GPR158: variants seen among roughly 807,000 people sequenced by gnomAD.
The protein encoded by GPR158 is metabotropic glycine receptor.
GPR158 carries 30 observed loss-of-function variants against 78.2 expected under a neutral mutation model. The ratio of observed to expected loss-of-function variants is 0.38; its 90% CI spans 0.29 to 0.52. GPR158 has a LOEUF of 0.52. GPR158 is among the 20% of genes least tolerant of loss of function. The pLI, the probability that GPR158 is intolerant of heterozygous loss-of-function variation, is 0.83. For synonymous variants in GPR158, 581 were observed against 591.1 expected (o/e 0.98, Z 0.25); for missense variants, 1,463 against 1,523.5 (o/e 0.96, Z 0.66).
At chr10:25,550,427 G>C (rs1217508543) in intron 5 of GPR158, among the ~76,000 whole-genome samples, 2 of 152,090 alleles carry the variant, frequency 1.3e-5, no homozygotes, top group Non-Finnish European at 2.9e-5. Flanking sequence ...GGCAATCTCA[G>C]GGCTGTTTCA....
chr10:25,501,176 G>A (rs1032744823), intron 5 of GPR158, among the ~76,000 whole-genome samples: 7 of 152,140 alleles, frequency 4.6e-5, no homozygotes, highest in African/African-American at 9.7e-5. Context: ...GTCAAAGGCG[G>A]CTTTGAGAAG....
At chr10:25,500,322 C>A (rs1835935261) in intron 5 of GPR158, among the ~76,000 whole-genome samples, 1 of 152,170 alleles carries the variant, frequency 6.6e-6, no homozygotes, top group African/African-American at 2.4e-5. Flanking sequence ...TCATGTACTG[C>A]AGATAAATAT....
intron 2 of GPR158, among the ~76,000 whole-genome samples, chr10:25,345,006 C>G (rs1855354318): frequency 6.6e-6 from 1 of 151,962 alleles, no homozygotes; most frequent in Non-Finnish European, 1.5e-5. Context: ...GCCTTTATGA[C>G]TTAATCACCT....
chr10:25,312,391 G>A (rs1231493826), intron 2 of GPR158, among the ~76,000 whole-genome samples: 1 of 151,994 alleles, frequency 6.6e-6, no homozygotes. Context: ...GTTAATATTG[G>A]GAAGCTGTCA....
chr10:25,405,566 G>A (rs1242919143), intron 3 of GPR158, among the ~76,000 whole-genome samples: 2 of 103,938 alleles, frequency 1.9e-5, no homozygotes, highest in Admixed American at 3.0e-4. Flanking sequence ...TGGTGATGAT[G>A]TCAGCTTATT....
intron 2 of GPR158, among the ~76,000 whole-genome samples, chr10:25,320,978 A>G (rs866534033): frequency 1.5e-4 from 23 of 152,232 alleles, no homozygotes; most frequent in Middle Eastern, 3.2e-3. Flanking sequence ...ACATACACAT[A>G]CTGGATTCCT....
intron 3 of GPR158, 127 bp from the exon 4 acceptor site, chr10:25,412,123 G>T (rs1037227789): frequency 8.7e-6 from 6 of 687,044 alleles, no homozygotes; most frequent in Non-Finnish European, 1.6e-5. Context: ...CCTAGCAAGA[G>T]GGTTGACAAA....
intron 5 of GPR158, among the ~76,000 whole-genome samples, chr10:25,528,047 T>A (rs1416099382): frequency 6.6e-6 from 1 of 152,078 alleles, no homozygotes; most frequent in Non-Finnish European, 1.5e-5. Context: ...TGAAAAGACT[T>A]CTCAGAAATA....
At chr10:25,324,290 C>T (rs1440643316) in intron 2 of GPR158, among the ~76,000 whole-genome samples, 2 of 152,186 alleles carry the variant, frequency 1.3e-5, no homozygotes, top group African/African-American at 2.4e-5. Context: ...GAGAGACATG[C>T]AACTATTCCT....
intron 5 of GPR158, among the ~76,000 whole-genome samples, chr10:25,471,484 G>A (rs1835501314): frequency 6.6e-6 from 1 of 152,108 alleles, no homozygotes; most frequent in African/African-American, 2.4e-5. Flanking sequence ...CAGTAATATG[G>A]GATTGCTGGG....
intron 5 of GPR158, among the ~76,000 whole-genome samples, chr10:25,502,011 C>T (rs774370095): frequency 2.6e-5 from 4 of 152,258 alleles, no homozygotes; most frequent in Non-Finnish European, 4.4e-5. Flanking sequence ...CTCTATAACG[C>T]TTCTGCCTCC....
At chr10:25,388,468 G>T (rs1040239248) in intron 2 of GPR158, among the ~76,000 whole-genome samples, 1 of 152,244 alleles carries the variant, frequency 6.6e-6, no homozygotes, top group Non-Finnish European at 1.5e-5. Flanking sequence ...TAAGCACCAG[G>T]CCAAATGTGC....
chr10:25,192,560 T>A (rs560141290), intron 1 of GPR158, among the ~76,000 whole-genome samples: 28 of 152,182 alleles, frequency 1.8e-4, no homozygotes, highest in Non-Finnish European at 2.9e-4. Flanking sequence ...TGTGGCTCAA[T>A]TCCCTCATTG....
chr10:25,209,307 GTGTC>G (rs2130667015), intron 1 of GPR158, among the ~76,000 whole-genome samples: 1 of 152,272 alleles, frequency 6.6e-6, no homozygotes, highest in African/African-American at 2.4e-5. Context: ...TAAATGATCT[GTGTC>G]TGCTTACTGG....
chr10:25,399,647 C>G (rs1314679427), intron 3 of GPR158, among the ~76,000 whole-genome samples: 1 of 152,138 alleles, frequency 6.6e-6, no homozygotes, highest in East Asian at 1.9e-4. Flanking sequence ...ATGGCCTTGT[C>G]AAGTTTCATG....
chr10:25,233,556 CA>C lies in GPR158; in HGVS notation c.1008+12401del, dbSNP rs772599692. ...AGAATTTATAGGTGTACAAACTGAG[CA>C]ACCCTGCTTATGGGCTATGCTTTTA... On this transcript the variant is annotated intron_variant, in intron 2 of 10. Coordinates refer to ENST00000376351, the MANE Select transcript of GPR158 (RefSeq NM_020752.3). Among the ~76,000 whole-genome samples, 8 of 152,328 alleles carry C rather than the reference CA, an allele frequency of 5.3e-5. No individual in the cohort carries two copies. The East Asian group carries it at 1.5e-3, about 29-fold the overall frequency.
intron 1 of GPR158, among the ~76,000 whole-genome samples, chr10:25,218,335 T>C (rs1394483485): frequency 1.3e-5 from 2 of 152,200 alleles, no homozygotes; most frequent in Admixed American, 1.3e-4. Flanking sequence ...GACTTTTTAG[T>C]TTCCATGTAC....
In GPR158 at chr10:25,504,785, A is replaced by G. The variant is rs552207853; in HGVS notation, c.1404+38066A>G. ...TAAATTTTTTTTATCCTTTCATGGG[A>G]AAGTTTTCATTCTATCATGTTATCA... On this transcript the variant is annotated intron_variant, in intron 5 of 10. Transcript: ENST00000376351. Among the ~76,000 whole-genome samples, 139 of 152,310 alleles carry G rather than the reference A, an allele frequency of 9.1e-4. 3 individuals carry two copies. In the South Asian group the frequency reaches 0.023, roughly 25 times the overall value.
At chr10:25,430,098 A>T (rs943750768) in intron 4 of GPR158, among the ~76,000 whole-genome samples, 2 of 151,086 alleles carry the variant, frequency 1.3e-5, no homozygotes, top group Non-Finnish European at 3.0e-5. Context: ...ACATGATTGT[A>T]TATCTAGAAA....
Sources: gnomAD v4.1 joint callset for allele counts (sites outside exome capture counted in the v4.1 genomes callset) on GRCh38, gnomAD v4.1.1 for gene constraint, MANE v1.5 for transcripts, NCBI Gene and HGNC (gene_info 2026-07-23, HGNC 2026-07-21) for gene names.